ANO10: variants seen among roughly 807,000 people sequenced by gnomAD.
The protein encoded by ANO10 is anoctamin 10, also known as anoctamin-10.
Under a neutral mutation model 74.7 loss-of-function variants are expected in ANO10, and 77 were observed. The ratio of observed to expected loss-of-function variants is 1.03; its 90% confidence interval spans 0.86 to 1.25. The LOEUF is 1.25. Among genes scored for constraint, ANO10 ranks in the 50% most tolerant of loss-of-function variants. ANO10 has a pLI of 0.00. For missense variants in ANO10, 721 were observed against 778.1 expected (o/e 0.93, Z 0.87); for synonymous variants, 279 against 284.9 (o/e 0.98, Z 0.21).
intron 11 of ANO10, among the ~76,000 whole-genome samples, chr3:43,524,223 C>T (rs1247790936): frequency 1.5e-3 from 9 of 6,130 alleles, no homozygotes; most frequent in Non-Finnish European, 4.2e-3. Flanking sequence ...AACCAGGAAA[C>T]GAATCCCTCA....
chr3:43,609,840 C>T (rs1157887090), intron 1 of ANO10, among the ~76,000 whole-genome samples: 1 of 151,964 alleles, frequency 6.6e-6, no homozygotes, highest in African/African-American at 2.4e-5. Flanking sequence ...ATGAATACAC[C>T]TGTATAGGGT....
intron 1 of ANO10, among the ~76,000 whole-genome samples, chr3:43,677,749 AGGCTTCCTT>A (rs2084141974): frequency 6.6e-6 from 1 of 152,214 alleles, no homozygotes; most frequent in Non-Finnish European, 1.5e-5. Flanking sequence ...ATGGCTAGCA[AGGCTTCCTT>A]ACAGCATGGT....
chr3:43,429,558 C>G (rs893607718), intron 12 of ANO10, among the ~76,000 whole-genome samples: 1 of 152,098 alleles, frequency 6.6e-6, no homozygotes, highest in African/African-American at 2.4e-5. Flanking sequence ...ATCTGATTAA[C>G]TAAAACTCTT....
At chr3:43,432,941 A>ATTTTTTTTTTTTT (rs1559539096) in intron 11 of ANO10, among the ~76,000 whole-genome samples, 20 of 46,526 alleles carry the variant, frequency 4.3e-4, no homozygotes, top group East Asian at 9.1e-4. Flanking sequence ...ACTTTGCTTA[A>ATTTTTTTTTTTTT]TTCTTTTTTT....
chr3:43,535,395 C>T (rs1333376622), intron 11 of ANO10, among the ~76,000 whole-genome samples: 1 of 151,796 alleles, frequency 6.6e-6, no homozygotes, highest in Non-Finnish European at 1.5e-5. Flanking sequence ...CCTGCCTCAC[C>T]CTCCTGAGTA....
chr3:43,568,154 C>A (rs922143877), intron 7 of ANO10, among the ~76,000 whole-genome samples: 2 of 114,938 alleles, frequency 1.7e-5, no homozygotes, highest in African/African-American at 5.0e-5. Context: ...TATATATGCA[C>A]CCAATACAGG....
intron 1 of ANO10, among the ~76,000 whole-genome samples, chr3:43,665,592 C>G (rs2083981218): frequency 6.6e-6 from 1 of 152,094 alleles, no homozygotes; most frequent in Admixed American, 6.5e-5. Context: ...ATGGAGAACT[C>G]AAGTTTGCCT....
chr3:43,607,603 T>C (rs1018814292), intron 1 of ANO10, among the ~76,000 whole-genome samples: 2 of 152,136 alleles, frequency 1.3e-5, no homozygotes, highest in Non-Finnish European at 2.9e-5. Flanking sequence ...GAAGGAGAAT[T>C]AGATCACCCC....
At chr3:43,589,215 T>A (rs77096114) in intron 4 of ANO10, among the ~76,000 whole-genome samples, 2,123 of 144,328 alleles carry the variant, frequency 0.015, 43 homozygotes, top group African/African-American at 0.049. Context: ...TCAGGGGTTA[T>A]AAAAAAATAG....
chr3:43,663,160 C>T (rs1275224699), intron 1 of ANO10, among the ~76,000 whole-genome samples: 2 of 152,092 alleles, frequency 1.3e-5, no homozygotes, highest in East Asian at 1.9e-4. Context: ...GCTGGCAAAC[C>T]GAATCCAGTA....
intron 11 of ANO10, among the ~76,000 whole-genome samples, chr3:43,527,594 C>T (rs1338357977): frequency 6.6e-6 from 1 of 152,136 alleles, no homozygotes; most frequent in Non-Finnish European, 1.5e-5. Flanking sequence ...CTAACCATTC[C>T]TCATACCTAC....
chr3:43,444,695 G>A (rs1193860219), intron 11 of ANO10, among the ~76,000 whole-genome samples: 1 of 152,166 alleles, frequency 6.6e-6, no homozygotes, highest in Non-Finnish European at 1.5e-5. Flanking sequence ...CTACAACAGT[G>A]CAAGGAGAAC....
At chr3:43,628,341 C>A (rs1284475797) in intron 1 of ANO10, among the ~76,000 whole-genome samples, 4 of 152,184 alleles carry the variant, frequency 2.6e-5, no homozygotes, top group African/African-American at 9.7e-5. Context: ...TTCATGGACA[C>A]TTATCACTTC....
intron 1 of ANO10, among the ~76,000 whole-genome samples, chr3:43,656,368 G>C (rs1408278340): frequency 6.6e-6 from 1 of 152,272 alleles, no homozygotes; most frequent in Non-Finnish European, 1.5e-5. Flanking sequence ...GCTTCACCCA[G>C]TGGATCCCGC....
intron 11 of ANO10, among the ~76,000 whole-genome samples, chr3:43,507,595 A>C (rs1297717942): frequency 1.3e-5 from 2 of 152,112 alleles, no homozygotes; most frequent in Non-Finnish European, 2.9e-5. Flanking sequence ...GAAACACAGC[A>C]AACCTCTGAT....
chr3:43,582,414 T>C (rs2081302907), intron 4 of ANO10, among the ~76,000 whole-genome samples: 1 of 151,660 alleles, frequency 6.6e-6, no homozygotes, highest in Non-Finnish European at 1.5e-5. Context: ...ACCATTGCAC[T>C]CCAGCCTGGG....
At chr3:43,491,132 A>T (rs2076704352) in intron 11 of ANO10, among the ~76,000 whole-genome samples, 1 of 152,168 alleles carries the variant, frequency 6.6e-6, no homozygotes, top group Non-Finnish European at 1.5e-5. Context: ...TCTCCCAAGC[A>T]CTAGTAGGCT....
intron 12 of ANO10, among the ~76,000 whole-genome samples, chr3:43,376,036 G>A (rs2091794142): frequency 6.6e-6 from 1 of 152,216 alleles, no homozygotes; most frequent in South Asian, 2.1e-4. Context: ...ATTGCTGTGT[G>A]TGCCCCAGAT....
intron 11 of ANO10, among the ~76,000 whole-genome samples, chr3:43,494,046 T>A (rs2076826235): frequency 6.6e-6 from 1 of 152,138 alleles, no homozygotes; most frequent in Admixed American, 6.5e-5. Flanking sequence ...TGCAAACAAT[T>A]TATTACATGG....
Sources: allele counts gnomAD v4.1 joint callset (sites outside exome capture counted in the v4.1 genomes callset), GRCh38; gene constraint gnomAD v4.1.1; transcripts MANE v1.5; gene names NCBI Gene and HGNC (gene_info 2026-07-23, HGNC 2026-07-21).